Variants in ATRNL1 observed in about 807,000 individuals in gnomAD.
The protein encoded by ATRNL1 is attractin-like protein 1.
A neutral mutation model predicts 182.7 loss-of-function variants in ATRNL1; 95 were observed. The observed-to-expected ratio is 0.52, with a 90% CI of 0.44 to 0.62. The LOEUF is 0.62. Ranked by LOEUF, ATRNL1 falls within the 20% of genes least tolerant of loss-of-function variation. The pLI is 0.00. For missense variants in ATRNL1, 1,471 were observed against 1,679.5 expected (o/e 0.88, Z 2.17); for synonymous variants, 576 against 568.3 (o/e 1.01, Z -0.19).
intron 25 of ATRNL1, among the ~76,000 whole-genome samples, chr10:115,536,271 A>G (rs1224774369): frequency 6.6e-6 from 1 of 152,096 alleles, no homozygotes; most frequent in East Asian, 1.9e-4. Context: ...CACCCAGTTC[A>G]AGCTTCCCAG....
At chr10:115,445,766 T>TA (rs1846952212) in intron 21 of ATRNL1, among the ~76,000 whole-genome samples, 1 of 152,204 alleles carries the variant, frequency 6.6e-6, no homozygotes, top group Non-Finnish European at 1.5e-5. Context: ...AGCAGTCACT[T>TA]ATCATTCTTT....
intron 26 of ATRNL1, among the ~76,000 whole-genome samples, chr10:115,563,338 G>T (rs1201771878): frequency 6.6e-6 from 1 of 152,096 alleles, no homozygotes; most frequent in Admixed American, 6.6e-5. Context: ...TCATCATTCT[G>T]TAAATTGTTG....
intron 26 of ATRNL1, among the ~76,000 whole-genome samples, chr10:115,694,943 A>G (rs200061017): frequency 4.5e-5 from 2 of 44,396 alleles, no homozygotes; most frequent in East Asian, 2.2e-3. Context: ...GCACACACGC[A>G]CACACACACA....
chr10:115,837,773 G>A (rs1950713562), intron 27 of ATRNL1, among the ~76,000 whole-genome samples: 1 of 152,128 alleles, frequency 6.6e-6, no homozygotes, highest in South Asian at 2.1e-4. Flanking sequence ...CAGAGAGAAT[G>A]ACTTCACCCA....
At chr10:115,536,933 G>T (rs1374305776) in intron 25 of ATRNL1, among the ~76,000 whole-genome samples, 9 of 151,692 alleles carry the variant, frequency 5.9e-5, no homozygotes, top group African/African-American at 2.2e-4. Context: ...CAATGTGTAA[G>T]GACACTGTGA....
chr10:115,945,661 G>C lies in ATRNL1; in HGVS notation c.*882G>C, dbSNP rs1183426415. ...TGGATCAGACCTAAATGATCCATCT[G>C]CATTTTTATAAGAATGGATCTTTCT... On this transcript the variant is annotated 3_prime_UTR_variant, in exon 29 of 29. Coordinates refer to ENST00000355044, the MANE Select transcript of ATRNL1 (RefSeq NM_207303.4). 1.3e-5 allele frequency: 2 copies of C among 152,172 alleles called. No homozygotes were observed. Among genetic ancestry groups the C allele is most frequent in the African/African-American group, 4.8e-5 (2 of 41,442 alleles). 9.4% of individuals were successfully genotyped at this position (152,172 alleles called of 1,614,324 possible). A position where few individuals can be genotyped will look rare whatever the true frequency, so the allele number is the denominator to read the frequency against.
In ATRNL1 at chr10:115,160,221, A is replaced by G. The variant is rs781793151; in HGVS notation, c.1004+7A>G. On this transcript the variant is annotated splice_region_variant and intron_variant, in intron 6 of 28. Coordinates refer to ENST00000355044, the MANE Select transcript of ATRNL1 (RefSeq NM_207303.4). ...CTTTTCAAATGGTCCTAAAGTAAGT[A>G]TTTATTTTCAGATTCTTGCTGTTTT... 6.3e-7 allele frequency: 1 copy of G among 1,576,346 alleles called. No homozygotes were observed.
intron 27 of ATRNL1, chr10:115,820,373 G>A (rs1950263598): frequency 6.6e-6 from 1 of 152,198 alleles, no homozygotes; most frequent in Middle Eastern, 3.4e-3. Flanking sequence ...AGTGTTTATG[G>A]CAGGGAGCCC....
At chr10:115,807,914 C>T (rs575028066) in intron 27 of ATRNL1, among the ~76,000 whole-genome samples, 2 of 152,060 alleles carry the variant, frequency 1.3e-5, no homozygotes, top group Non-Finnish European at 2.9e-5. Flanking sequence ...TTATAAAAGT[C>T]GGTTTTAATT....
chr10:115,298,251 A>G (rs2133969889), intron 15 of ATRNL1, among the ~76,000 whole-genome samples: 1 of 152,332 alleles, frequency 6.6e-6, no homozygotes, highest in Middle Eastern at 3.4e-3. Flanking sequence ...ATGATCATTT[A>G]CTTATCAGAA....
chr10:115,323,960 G>A (rs1554932369), intron 18 of ATRNL1, among the ~76,000 whole-genome samples: 2 of 150,538 alleles, frequency 1.3e-5, no homozygotes, highest in Non-Finnish European at 3.0e-5. Context: ...TGTATTTTTA[G>A]TAGCGATGGG....
Position 115,094,063 on chromosome 10 carries a change from C to G in ATRNL1, c.293+20C>G. 7.0e-7 allele frequency: 1 copy of G among 1,436,810 alleles called. No individual in the cohort carries two copies. Among genetic ancestry groups the G allele is most frequent in the Non-Finnish European group, 9.2e-7 (1 of 1,088,306 alleles). 89.0% of individuals were successfully genotyped at this position (1,436,810 alleles called of 1,614,324 possible). ...GTTCAAGTAAGTGCCTTCGCCGGAC[C>G]CCGAACCTCCAGCCCTGCCTCGCTC... On this transcript the variant is annotated intron_variant, in intron 1 of 28. Coordinates refer to ENST00000355044, the MANE Select transcript of ATRNL1 (RefSeq NM_207303.4).
Position 115,300,154 on chromosome 10 carries a change from T to G in ATRNL1, c.2536T>G (p.Phe846Val), listed in dbSNP as rs201005021. The G allele has an allele frequency of 1.2e-6, 2 of 1,614,100 alleles. No individual in the cohort carries two copies. The highest frequency in any genetic ancestry group is 1.7e-6 in the Non-Finnish European group (2 of 1,179,948). ...WLPGEPNDSG[F>V]CAYLERAAVA... ...TCCTGGCGAACCCAATGATTCTGGG[T>G]TTTGTGCATATCTGGAAAGGGCTGC... Residue 846 changes from phenylalanine to valine, a missense_variant, in exon 16 of 29, where the codon TTT (phenylalanine) becomes GTT (valine). By Grantham distance (50) the Phe-to-Val change is conservative. Transcript: ENST00000355044.
chr10:115,413,387 T>G (rs1592619605), intron 20 of ATRNL1, among the ~76,000 whole-genome samples: 1 of 152,258 alleles, frequency 6.6e-6, no homozygotes, highest in African/African-American at 2.4e-5. Flanking sequence ...AAATAAAAAT[T>G]TGTTTATTCT....
chr10:115,934,222 T>C (rs144875469), intron 28 of ATRNL1, among the ~76,000 whole-genome samples: 499 of 152,238 alleles, frequency 3.3e-3, no homozygotes, highest in African/African-American at 0.011. Context: ...CTGCCACCAA[T>C]CAGGAACACT....
At chr10:115,899,293 T>C (rs1555113169) in intron 28 of ATRNL1, among the ~76,000 whole-genome samples, 2 of 152,158 alleles carry the variant, frequency 1.3e-5, no homozygotes, top group African/African-American at 2.4e-5. Flanking sequence ...GCTTCATCCA[T>C]GTCCCTATTT....
chr10:115,537,914 C>G (rs569873060), intron 25 of ATRNL1, among the ~76,000 whole-genome samples: 3 of 152,128 alleles, frequency 2.0e-5, no homozygotes, highest in East Asian at 1.9e-4. Context: ...ACGCTGGCAA[C>G]CATTGACCTG....
intron 26 of ATRNL1, among the ~76,000 whole-genome samples, chr10:115,595,791 GA>G (rs56391620): frequency 0.97 from 148,022 of 152,204 alleles, 72,138 homozygotes; most frequent in East Asian, 1. Flanking sequence ...GTCTCAATTT[GA>G]AAAGGTTAGA....
chr10:115,891,464 A>G (rs771427846), intron 28 of ATRNL1, among the ~76,000 whole-genome samples: 29 of 152,214 alleles, frequency 1.9e-4, no homozygotes, highest in Non-Finnish European at 3.1e-4. Context: ...CCAAGCAAAC[A>G]TTTCATGTGA....
Sources: allele counts gnomAD v4.1 joint callset (sites outside exome capture counted in the v4.1 genomes callset), GRCh38; gene constraint gnomAD v4.1.1; transcripts MANE v1.5; gene names NCBI Gene and HGNC (gene_info 2026-07-23, HGNC 2026-07-21).